FAT4: variants seen among roughly 807,000 people sequenced by gnomAD.
The protein encoded by FAT4 is FAT atypical cadherin 4, also known as protocadherin Fat 4.
FAT4 carries 84 observed loss-of-function variants against 303.9 expected under a neutral mutation model. The ratio of observed to expected loss-of-function variants is 0.28; its 90% CI spans 0.23 to 0.33. The LOEUF (loss-of-function observed/expected upper bound fraction) is 0.33. Ranked by LOEUF, FAT4 falls within the 10% of genes least tolerant of loss-of-function variation. The probability of loss-of-function intolerance (pLI) is 1.00; values close to 1 mark genes in which losing one functional copy is unlikely to be tolerated. For missense variants in FAT4, 6,005 were observed against 6,146.8 expected (o/e 0.98, Z 0.77); for synonymous variants, 2,307 against 2,298.8 (o/e 1.00, Z -0.10).
chr4:125,406,402 T>A (rs905189953), intron 3 of FAT4, among the ~76,000 whole-genome samples: 3 of 152,194 alleles, frequency 2.0e-5, no homozygotes, highest in African/African-American at 7.2e-5. Context: ...ACTGTAACTT[T>A]GTAGTATATT....
intron 2 of FAT4, among the ~76,000 whole-genome samples, chr4:125,351,573 C>T (rs1732226786): frequency 1.3e-5 from 2 of 151,670 alleles, no homozygotes; most frequent in African/African-American, 4.8e-5. Context: ...AATTCAGTTC[C>T]ATTGTATGTG....
chr4:125,364,921 A>G (rs1443951003), intron 2 of FAT4, among the ~76,000 whole-genome samples: 1 of 152,160 alleles, frequency 6.6e-6, no homozygotes, highest in Non-Finnish European at 1.5e-5. Flanking sequence ...CATGAAAAGA[A>G]AACAGTTAGA....
intron 2 of FAT4, among the ~76,000 whole-genome samples, chr4:125,321,949 T>G (rs1433045389): frequency 1.3e-5 from 2 of 152,184 alleles, no homozygotes. Flanking sequence ...ATGGGCACTT[T>G]CAGAATTAAG....
At chr4:125,414,812 T>TA (rs1372991438) in intron 5 of FAT4, 72 bp from the exon 6 acceptor site, 1 of 1,040,518 alleles carries the variant, frequency 9.6e-7, no homozygotes, top group East Asian at 2.4e-5. Flanking sequence ...AATTACTTGC[T>TA]AAAAGTTTTG....
In FAT4 at chr4:125,321,120, G is replaced by C. The variant is rs1262194033; in HGVS notation, c.4709G>C (p.Gly1570Ala). Residue 1570 changes from glycine to alanine, a missense_variant, in exon 2 of 18, where the codon GGG (glycine) becomes GCG (alanine). Gly to Ala is a moderately conservative substitution (Grantham distance 60). Coordinates refer to ENST00000394329, the MANE Select transcript of FAT4 (RefSeq NM_001291303.3). ...GAAATAGAGTATGAGATCATCAATG[G>C]GGACACAGACACCTTCATTGTTGAT... is the stretch of plus-strand genomic sequence containing the variant. The part of the protein sequence containing the change: ...NGEIEYEIIN[G>A]DTDTFIVDRY... The C allele has an allele frequency of 1.2e-6, 2 of 1,614,138 alleles. No homozygotes were observed. The highest frequency in any genetic ancestry group is 8.5e-7 in the Non-Finnish European group (1 of 1,180,006).
At chr4:125,474,863 T>G (rs199701904) in intron 12 of FAT4, among the ~76,000 whole-genome samples, 1 of 152,110 alleles carries the variant, frequency 6.6e-6, no homozygotes, top group East Asian at 1.9e-4. Flanking sequence ...AAATTTGATA[T>G]CCAAAACTTT....
In FAT4 at chr4:125,355,413, G is replaced by A. The variant is rs2710565; in HGVS notation, c.5175+33827G>A. Among the ~76,000 whole-genome samples, 935 of 152,054 alleles carry A rather than the reference G, an allele frequency of 6.1e-3. 10 individuals are homozygous for A. The highest frequency in any genetic ancestry group is 0.021 in the African/African-American group (882 of 41,506). On this transcript the variant is annotated intron_variant, in intron 2 of 17. Transcript: ENST00000394329. Reference sequence around the variant, plus strand: ...GTTCCAGATATAATTCCAAATGCATGTAGGTAAATGGAAAGAAAAATTGGA... The same window carrying A: ...GTTCCAGATATAATTCCAAATGCATATAGGTAAATGGAAAGAAAAATTGGA...
In FAT4 at chr4:125,317,976, G is replaced by T; in HGVS notation, c.1565G>T (p.Trp522Leu). ...YSIVSGNGLG[W>L]FHISEHSGLV... is the part of the protein sequence containing the mutation. ...ATTGTCTCTGGCAATGGACTGGGATGGTTCCATATCAGTGAACATAGCGGC... is the reference window on the plus strand; with the variant it reads ...ATTGTCTCTGGCAATGGACTGGGATTGTTCCATATCAGTGAACATAGCGGC... Residue 522 changes from tryptophan (W) to leucine (L), a missense_variant, in exon 2 of 18, where the codon TGG (tryptophan) becomes TTG (leucine). By Grantham distance (61) the Trp-to-Leu change is moderately conservative. Transcript: ENST00000394329. This position sits in a 1 kb window ranked among gnomAD's most constrained non-coding sequence, Gnocchi z 7.0. 6.2e-7 allele frequency: 1 copy of T among 1,614,174 alleles called. No individual in the cohort carries two copies. Among genetic ancestry groups the T allele is most frequent in the Non-Finnish European group, 8.5e-7 (1 of 1,180,042 alleles).
At chr4:125,485,486 A>G (rs1394343074) in intron 16 of FAT4, among the ~76,000 whole-genome samples, 3 of 152,130 alleles carry the variant, frequency 2.0e-5, no homozygotes, top group African/African-American at 7.2e-5. Flanking sequence ...GCCTCAGCCT[A>G]CACAGGGTCA....
intron 7 of FAT4, among the ~76,000 whole-genome samples, chr4:125,418,310 A>G (rs1029771014): frequency 1.3e-5 from 2 of 152,300 alleles, no homozygotes; most frequent in South Asian, 4.1e-4. Context: ...AGATAGGTCA[A>G]CTTCATCAGT....
At chr4:125,482,554 C>A (rs1177799216) in intron 16 of FAT4, among the ~76,000 whole-genome samples, 12 of 151,962 alleles carry the variant, frequency 7.9e-5, no homozygotes, top group African/African-American at 2.9e-4. Flanking sequence ...TACTGCCTTC[C>A]ATTAATATTA....
In FAT4 at chr4:125,479,979, A is replaced by T. The variant is rs949994547; in HGVS notation, c.12604+114A>T. 4 of 784,652 alleles carry T rather than the reference A, an allele frequency of 5.1e-6. No individual in the cohort carries two copies. In the African/African-American group the frequency reaches 7.0e-5, roughly 14 times the overall value. The allele number at this position is 784,652 out of a possible 1,614,324, so 48.6% of individuals were successfully genotyped here. A position where few individuals can be genotyped will look rare whatever the true frequency, so the allele number is the denominator to read the frequency against. On this transcript the variant is annotated intron_variant, in intron 15 of 17. Transcript: ENST00000394329. ...TTATGCTTTCATTCTAAATATTAAA[A>T]TATTAAATGGACAATAATTGGTAAA... is the stretch of plus-strand genomic sequence containing the variant.
chr4:125,318,363 A>G lies in FAT4; in HGVS notation c.1952A>G (p.Glu651Gly). ...ACTATTTCCTCCTTGGACAGAGAAGAGCAAGCCTTCTACTCCCTGTTGGTT... is the reference window on the plus strand; with the variant it reads ...ACTATTTCCTCCTTGGACAGAGAAGGGCAAGCCTTCTACTCCCTGTTGGTT... The part of the protein sequence containing the change: ...LSTISSLDRE[E>G]QAFYSLLVLA... Residue 651 changes from glutamate to glycine, a missense_variant, in exon 2 of 18, where the codon GAG (glutamate) becomes GGG (glycine). Glu to Gly is a moderately conservative substitution (Grantham distance 98). Coordinates refer to ENST00000394329, the MANE Select transcript of FAT4 (RefSeq NM_001291303.3). 1 of 1,614,146 alleles carries G rather than the reference A, an allele frequency of 6.2e-7. No homozygotes were observed.
rs1388664621 is a variant in FAT4, at chr4:125,398,772, T to C, written c.5176-12T>C. 6.2e-7 allele frequency: 1 copy of C among 1,612,464 alleles called. No homozygotes were observed. Among genetic ancestry groups the C allele is most frequent in the Non-Finnish European group, 8.5e-7 (1 of 1,178,888 alleles). On this transcript the variant is annotated splice_polypyrimidine_tract_variant and intron_variant, in intron 2 of 17. Transcript: ENST00000394329. ...GGGAGTCATTCACACATTGTTTCCT[T>C]TTTCTTTGTAGGTAGAAATAACACT... is the stretch of plus-strand genomic sequence containing the variant.
At chr4:125,364,680 G>C (rs961318703) in intron 2 of FAT4, among the ~76,000 whole-genome samples, 1 of 151,980 alleles carries the variant, frequency 6.6e-6, no homozygotes, top group Admixed American at 6.6e-5. Context: ...AGCTGGAAAC[G>C]CATACAACTC....
In FAT4 at chr4:125,451,216, C is replaced by T. The variant is rs2126060513; in HGVS notation, c.10206C>T (p.Asp3402=). The T allele has an allele frequency of 6.2e-7, 1 of 1,614,042 alleles. No individual in the cohort carries two copies. The highest frequency in any genetic ancestry group is 8.5e-7 in the Non-Finnish European group (1 of 1,180,000). ...TVNVTVLDAN[D]PPIFTLNIYS... ...ATGTCACCGTGCTTGATGCAAATGA[C>T]CCACCCATTTTTACTCTAAACATCT... The change falls in exon 10 of 18, where the codon GAC becomes GAT. Residue 3402 remains aspartate, a synonymous_variant. Coordinates refer to ENST00000394329, the MANE Select transcript of FAT4 (RefSeq NM_001291303.3).
intron 8 of FAT4, among the ~76,000 whole-genome samples, chr4:125,445,755 C>G (rs967448628): frequency 2.0e-5 from 3 of 152,092 alleles, no homozygotes; most frequent in African/African-American, 7.2e-5. Context: ...ATGACAAAGA[C>G]AGAATTAATC....
In FAT4 at chr4:125,468,651, C is replaced by T. The variant is rs962551463; in HGVS notation, c.12045C>T (p.Tyr4015=). 8 of 1,614,112 alleles carry T rather than the reference C, an allele frequency of 5.0e-6. No individual in the cohort carries two copies. Among genetic ancestry groups the T allele is most frequent in the Non-Finnish European group, 6.8e-6 (8 of 1,180,018 alleles). The change falls in exon 12 of 18, where the codon TAC becomes TAT. Residue 4015 remains tyrosine (Y), a synonymous_variant. Coordinates refer to ENST00000394329, the MANE Select transcript of FAT4 (RefSeq NM_001291303.3). ...TTAAAAGTCATGCCTTATTGCTTTA[C>T]AACTATGACAACCAGACAGGCGACC... is the stretch of plus-strand genomic sequence containing the variant. The part of the protein sequence containing the change: ...ATIKSHALLL[Y]NYDNQTGDRA...
At chr4:125,324,902 A>C (rs1167508396) in intron 2 of FAT4, among the ~76,000 whole-genome samples, 1 of 152,138 alleles carries the variant, frequency 6.6e-6, no homozygotes, top group Non-Finnish European at 1.5e-5. Context: ...TTTTGTTTTA[A>C]AAAAGTTTAT....
Sources: gnomAD v4.1 joint callset for allele counts (sites outside exome capture counted in the v4.1 genomes callset) on GRCh38, gnomAD v4.1.1 for gene constraint, Gnocchi (gnomAD v3.1) non-coding constraint, MANE v1.5 for transcripts, NCBI Gene and HGNC (gene_info 2026-07-23, HGNC 2026-07-21) for gene names.